The following TMEM132B variants were observed in gnomAD, a reference collection of about 807,000 sequenced individuals.
TMEM132B encodes the protein transmembrane protein 132B.
A neutral mutation model predicts 90.8 loss-of-function variants in TMEM132B; 18 were observed. The ratio of observed to expected loss-of-function variants is 0.20; its 90% CI spans 0.14 to 0.29. TMEM132B has a LOEUF of 0.29. TMEM132B is among the 10% of genes least tolerant of loss of function. The pLI, the probability that TMEM132B is intolerant of heterozygous loss-of-function variation, is 1.00. For synonymous variants in TMEM132B, 504 were observed against 523.3 expected (o/e 0.96, Z 0.50); for missense variants, 1,096 against 1,326.8 (o/e 0.83, Z 2.70).
intron 3 of TMEM132B, among the ~76,000 whole-genome samples, chr12:125,508,243 T>C (rs1344171426): frequency 6.6e-6 from 1 of 152,202 alleles, no homozygotes; most frequent in Non-Finnish European, 1.5e-5. Flanking sequence ...CTTTACATTT[T>C]GCTCTAGGTG....
At chr12:125,450,116 G>A (rs1881110960) in intron 3 of TMEM132B, among the ~76,000 whole-genome samples, 1 of 152,146 alleles carries the variant, frequency 6.6e-6, no homozygotes, top group Non-Finnish European at 1.5e-5. Context: ...TTCAGTAGAA[G>A]GGCTAAGAAT....
chr12:125,455,974 A>G (rs573528648), intron 3 of TMEM132B, among the ~76,000 whole-genome samples: 1 of 152,178 alleles, frequency 6.6e-6, no homozygotes, highest in Non-Finnish European at 1.5e-5. Flanking sequence ...TTTGGAAGCC[A>G]TGCTCTGTTG....
chr12:125,268,435 G>T (rs1874745886), intron 1 of TMEM132B, among the ~76,000 whole-genome samples: 2 of 152,200 alleles, frequency 1.3e-5, no homozygotes, highest in African/African-American at 4.8e-5. Context: ...AGGGGCATGG[G>T]TAAATAAATG....
At chr12:125,357,090 T>C (rs1877799247) in intron 2 of TMEM132B, among the ~76,000 whole-genome samples, 1 of 152,212 alleles carries the variant, frequency 6.6e-6, no homozygotes, top group Non-Finnish European at 1.5e-5. Flanking sequence ...GTTGAATGAA[T>C]GAATGTATCC....
At chr12:125,427,153 G>A (rs896211300) in intron 3 of TMEM132B, among the ~76,000 whole-genome samples, 1 of 152,164 alleles carries the variant, frequency 6.6e-6, no homozygotes, top group Non-Finnish European at 1.5e-5. Context: ...TAGTGGGGCT[G>A]GACGATCTTA....
chr12:125,253,434 CT>C (rs1317549570), intron 1 of TMEM132B, among the ~76,000 whole-genome samples: 3,185 of 138,966 alleles, frequency 0.023, 49 homozygotes, highest in African/African-American at 0.061. Flanking sequence ...TTCCCCCCCA[CT>C]TTTTTTTTTT....
intron 1 of TMEM132B, among the ~76,000 whole-genome samples, chr12:125,282,194 C>T (rs949017686): frequency 6.6e-6 from 1 of 152,106 alleles, no homozygotes; most frequent in Non-Finnish European, 1.5e-5. Context: ...AGCTTGCCTT[C>T]TTACTACACC....
chr12:125,239,768 C>T (rs759707544), intron 1 of TMEM132B, among the ~76,000 whole-genome samples: 2 of 152,190 alleles, frequency 1.3e-5, no homozygotes, highest in East Asian at 1.9e-4. Context: ...GCCCGGCTTT[C>T]GCGAGATGGT....
intron 1 of TMEM132B, among the ~76,000 whole-genome samples, chr12:125,325,138 C>T (rs1467160524): frequency 6.6e-6 from 1 of 152,174 alleles, no homozygotes; most frequent in Non-Finnish European, 1.5e-5. Context: ...GTCATGCCAG[C>T]GATTTCTCAG....
chr12:125,395,864 T>C (rs1008915634), intron 2 of TMEM132B, among the ~76,000 whole-genome samples: 1 of 152,192 alleles, frequency 6.6e-6, no homozygotes, highest in Non-Finnish European at 1.5e-5. Flanking sequence ...AGGCGGGTGG[T>C]AGACTCTTGC....
intron 2 of TMEM132B, among the ~76,000 whole-genome samples, chr12:125,388,295 G>A (rs951984654): frequency 6.6e-6 from 1 of 152,070 alleles, no homozygotes; most frequent in African/African-American, 2.4e-5. Context: ...TGGGCGTGGT[G>A]GTGCACGTCT....
rs116211330 is a variant in TMEM132B at position 125,652,957 on chromosome 12, A to G, written c.2106+325A>G. 6.2e-3 allele frequency among the ~76,000 whole-genome samples: 949 copies of G among 152,316 alleles called. 12 individuals carry two copies. The highest frequency in any genetic ancestry group is 0.022 in the African/African-American group (896 of 41,574). On this transcript the variant is annotated intron_variant, in intron 8 of 8. Coordinates refer to ENST00000682704, the MANE Select transcript of TMEM132B (RefSeq NM_001366854.1). ...CTTTTGCCAAAGCAGGTGGTTTTTG[A>G]TACTTGGAAATTCCATTTCAGCTAC... is the stretch of plus-strand genomic sequence containing the variant.
At chr12:125,481,550 G>A (rs1212385190) in intron 3 of TMEM132B, among the ~76,000 whole-genome samples, 1 of 152,194 alleles carries the variant, frequency 6.6e-6, no homozygotes, top group Non-Finnish European at 1.5e-5. Flanking sequence ...TACAAGGGAT[G>A]TGAAGGATCT....
chr12:125,444,343 A>G (rs189511145), intron 3 of TMEM132B, among the ~76,000 whole-genome samples: 1 of 152,256 alleles, frequency 6.6e-6, no homozygotes, highest in Admixed American at 6.5e-5. Flanking sequence ...TTCTATATAA[A>G]CAGTTTTCTC....
chr12:125,326,745 T>C, intron 1 of TMEM132B: 2 of 1,481,098 alleles, frequency 1.4e-6, no homozygotes, highest in Non-Finnish European at 1.8e-6. Context: ...GAGGTTTTCC[T>C]ATGTCCTATT....
In TMEM132B at chr12:125,431,513, A is replaced by G. The variant is rs183709376; in HGVS notation, c.1106+15836A>G. On this transcript the variant is annotated intron_variant, in intron 3 of 8. Transcript: ENST00000682704. ...GGATAAGGACCGAGAAATCGTACTG[A>G]GCGACGTGCTTAGGACTAGATTGCT... is the stretch of plus-strand genomic sequence containing the variant. 5.2e-3 allele frequency among the ~76,000 whole-genome samples: 799 copies of G among 152,228 alleles called. 4 individuals carry two copies. Among genetic ancestry groups the G allele is most frequent in the Non-Finnish European group, 8.3e-3 (566 of 68,024 alleles).
rs1885916012 is a variant in TMEM132B, at chr12:125,613,582, A to T, written c.1437+29588A>T. ...TTCACTATTTTTGAGTTATTTTCTT[A>T]ATAGTTGTTAAGAGGTTTACCATAT... On this transcript the variant is annotated intron_variant, in intron 5 of 8. Coordinates refer to ENST00000682704, the MANE Select transcript of TMEM132B (RefSeq NM_001366854.1). 5.9e-5 allele frequency among the ~76,000 whole-genome samples: 9 copies of T among 151,950 alleles called. No homozygotes were observed. In the South Asian group the frequency reaches 1.9e-3, roughly 31 times the overall value.
chr12:125,556,351 C>T (rs1007370208), intron 4 of TMEM132B, among the ~76,000 whole-genome samples: 4 of 152,108 alleles, frequency 2.6e-5, no homozygotes, highest in Non-Finnish European at 5.9e-5. Context: ...GATTAGAACC[C>T]ACTGCTTCTG....
intron 1 of TMEM132B, among the ~76,000 whole-genome samples, chr12:125,201,568 C>A (rs1171824473): frequency 6.6e-6 from 1 of 152,242 alleles, no homozygotes; most frequent in Non-Finnish European, 1.5e-5. Context: ...AACTGAAGTA[C>A]ATCACTGAAA....
Sources: allele counts gnomAD v4.1 joint callset (sites outside exome capture counted in the v4.1 genomes callset), GRCh38; gene constraint gnomAD v4.1.1; transcripts MANE v1.5; gene names NCBI Gene and HGNC (gene_info 2026-07-23, HGNC 2026-07-21).